The following CKAP2 variants were observed in gnomAD, a reference collection of about 807,000 sequenced individuals.
CKAP2 encodes the protein cytoskeleton associated protein 2, also known as cytoskeleton-associated protein 2.
A neutral mutation model predicts 58.4 loss-of-function variants in CKAP2; 46 were observed. The observed-to-expected ratio is 0.79, with a 90% CI of 0.62 to 1.01. The LOEUF (loss-of-function observed/expected upper bound fraction) is 1.01. CKAP2 is among the 50% of genes least tolerant of loss of function. The pLI, the probability that CKAP2 is intolerant of heterozygous loss-of-function variation, is 0.00. For synonymous variants in CKAP2, 293 were observed against 280.9 expected (o/e 1.04, Z -0.43); for missense variants, 809 against 796.4 (o/e 1.02, Z -0.19).
chr13:52,473,080 T>A (rs1157586496), intron 7 of CKAP2, among the ~76,000 whole-genome samples: 1 of 152,124 alleles, frequency 6.6e-6, no homozygotes, highest in Non-Finnish European at 1.5e-5. Flanking sequence ...CAGAAATATT[T>A]CTCAGATTGG....
In CKAP2 at chr13:52,474,931, C is replaced by T. The variant is rs764477193; in HGVS notation, c.1839C>T (p.Ser613=). 8 of 1,610,578 alleles carry T rather than the reference C, an allele frequency of 5.0e-6. No individual in the cohort carries two copies. Among genetic ancestry groups the T allele is most frequent in the East Asian group, 4.5e-5 (2 of 44,782 alleles). ...KKKVQFDGTN[S]AFKELKFLTP... is the part of the protein sequence containing the mutation. ...AGGTGCAGTTTGATGGAACAAATTC[C>T]GCATTTAAAGAGCTGAAGTTTTTAA... The change falls in exon 9 of 9, where the codon TCC becomes TCT. Residue 613 remains serine (S), a synonymous_variant. Transcript: ENST00000258607.
chr13:52,460,535 C>T (rs1001321504), intron 2 of CKAP2, among the ~76,000 whole-genome samples: 9 of 150,774 alleles, frequency 6.0e-5, no homozygotes, highest in African/African-American at 2.2e-4. Flanking sequence ...AACTCCGCCT[C>T]CCGGGTTCAT....
rs78530434 is a variant in CKAP2 at position 52,457,478 on chromosome 13, G to A, written c.155+871G>A. Among the ~76,000 whole-genome samples, 32 of 152,200 alleles carry A rather than the reference G, an allele frequency of 2.1e-4. 1 individual carries two copies. In the East Asian group the frequency reaches 6.2e-3, roughly 29 times the overall value. ...ATATCTTAGATAGTACATAGCTGTA[G>A]CAAAAACAAAAACCCATGAAAGTAG... is the stretch of plus-strand genomic sequence containing the variant. On this transcript the variant is annotated intron_variant, in intron 2 of 8. Coordinates refer to ENST00000258607, the MANE Select transcript of CKAP2 (RefSeq NM_018204.5).
chr13:52,473,882 A>G lies in CKAP2; in HGVS notation c.1600A>G (p.Ile534Val). Residue 534 changes from isoleucine (I) to valine (V), a missense_variant, in exon 8 of 9, where the codon ATT becomes GTT. This residue lies in a region of CKAP2 where 283 missense variants were observed against 287.6 expected (regional missense o/e 0.98). Transcript: ENST00000258607. ...CAAGGAAGAAGTCAAAGAAGTCAGT[A>G]TTGAAGATACAGGTGTTGATGTAGA... ...ASKEEVKEVS[I>V]EDTGVDVDPE... is the part of the protein sequence containing the mutation. 1 of 1,613,838 alleles carries G rather than the reference A, an allele frequency of 6.2e-7. No homozygotes were observed.
rs1423907268 is a variant in CKAP2 at position 52,474,003 on chromosome 13, A to G, written c.1721A>G (p.His574Arg). 6.2e-7 allele frequency: 1 copy of G among 1,614,108 alleles called. No individual in the cohort carries two copies. The highest frequency in any genetic ancestry group is 8.5e-7 in the Non-Finnish European group (1 of 1,179,964). Residue 574 changes from histidine (H) to arginine (R), a missense_variant, in exon 8 of 9, where the codon CAT (histidine) becomes CGT (arginine). His to Arg is a conservative substitution (Grantham distance 29). Coordinates refer to ENST00000258607, the MANE Select transcript of CKAP2 (RefSeq NM_018204.5). ...GACAACAAAACAAAAGATCCAACCC[A>G]TGATGTTAAAACCCCCAATACAGAA... ...EQDNKTKDPT[H>R]DVKTPNTETR...
chr13:52,474,936 T>C lies in CKAP2; in HGVS notation c.1844T>C (p.Phe615Ser). The C allele has an allele frequency of 6.2e-7, 1 of 1,612,404 alleles. No homozygotes were observed. The highest frequency in any genetic ancestry group is 2.2e-5 in the East Asian group (1 of 44,824). The change falls in exon 9 of 9, where the codon TTT becomes TCT. Residue 615 changes from phenylalanine to serine, a missense_variant. By Grantham distance (155) the Phe-to-Ser change is radical. Coordinates refer to ENST00000258607, the MANE Select transcript of CKAP2 (RefSeq NM_018204.5). ...CAGTTTGATGGAACAAATTCCGCAT[T>C]TAAAGAGCTGAAGTTTTTAACACCA... ...KVQFDGTNSAFKELKFLTPVR... is the reference protein window; with the variant it reads ...KVQFDGTNSASKELKFLTPVR...
At chr13:52,455,881 G>C (rs1223645404) in intron 1 of CKAP2, 1 of 1,010,066 alleles carries the variant, frequency 9.9e-7, no homozygotes, top group African/African-American at 1.7e-5. Context: ...AATCCGTTAG[G>C]CGAGGGGAAA....
chr13:52,457,342 C>T (rs1198628244), intron 2 of CKAP2, among the ~76,000 whole-genome samples: 1 of 152,194 alleles, frequency 6.6e-6, no homozygotes, highest in African/African-American at 2.4e-5. Flanking sequence ...GCTTTTTACT[C>T]AGTGTATGGG....
At position 52,455,850 on chromosome 13, in the gene CKAP2, G is replaced by T. The variant is rs531463458; in HGVS notation, c.70+224G>T. The T allele has an allele frequency of 9.3e-6, 8 of 856,976 alleles. No homozygotes were observed. The African/African-American group carries it at 1.5e-4, about 16-fold the overall frequency. 53.1% of individuals were successfully genotyped at this position (856,976 alleles called of 1,614,324 possible). A position where few individuals can be genotyped will look rare whatever the true frequency, so the allele number is the denominator to read the frequency against. ...GTTACTGTGCGGTCGCTGCTGGCTGGGATGGGCCCTCCTAAGAAGGAATCC... is the reference window on the plus strand; with the variant it reads ...GTTACTGTGCGGTCGCTGCTGGCTGTGATGGGCCCTCCTAAGAAGGAATCC... On this transcript the variant is annotated intron_variant, in intron 1 of 8. Transcript: ENST00000258607.
At chr13:52,456,159 T>C (rs1958476284) in intron 1 of CKAP2, 2 of 1,039,898 alleles carry the variant, frequency 1.9e-6, no homozygotes, top group Admixed American at 5.4e-5. Context: ...AAGAAAGTAA[T>C]TCTCATCTAA....
At chr13:52,465,935 A>G (rs61959702) in intron 6 of CKAP2, 13,227 of 305,508 alleles carry the variant, frequency 0.043, 349 homozygotes, top group South Asian at 0.065. Context: ...ATATACACAC[A>G]TATATATACA....
intron 2 of CKAP2, among the ~76,000 whole-genome samples, chr13:52,459,480 G>T (rs9536082): frequency 0.27 from 40,780 of 151,870 alleles, 6,811 homozygotes; most frequent in Middle Eastern, 0.38. Context: ...TTGCCACCAT[G>T]CCTGGCCAAT....
intron 2 of CKAP2, among the ~76,000 whole-genome samples, chr13:52,460,566 T>C (rs1274096515): frequency 1.3e-5 from 2 of 149,502 alleles, no homozygotes; most frequent in Non-Finnish European, 3.0e-5. Context: ...TTCCTCAGCC[T>C]CCCTAGTAGC....
intron 7 of CKAP2, among the ~76,000 whole-genome samples, chr13:52,469,685 C>T (rs1469283253): frequency 2.0e-5 from 3 of 149,128 alleles, no homozygotes; most frequent in East Asian, 2.0e-4. Context: ...CAAGCTCCGC[C>T]TCCCGGGTTC....
At chr13:52,468,219 G>A in intron 6 of CKAP2, 59 bp from the exon 7 acceptor site, 1 of 1,020,856 alleles carries the variant, frequency 9.8e-7, no homozygotes, top group Non-Finnish European at 1.5e-6. Context: ...TGGATACCTA[G>A]TTAATGTCAG....
intron 5 of CKAP2, 151 bp downstream of exon 5, chr13:52,462,718 T>C (rs1257046301): frequency 4.7e-6 from 3 of 640,408 alleles, no homozygotes; most frequent in Non-Finnish European, 7.9e-6. Context: ...TTTTAACAAT[T>C]ATTTAATTGC....
chr13:52,467,220 G>A (rs78764537), intron 6 of CKAP2, among the ~76,000 whole-genome samples: 8,513 of 151,904 alleles, frequency 0.056, 260 homozygotes, highest in South Asian at 0.085. Flanking sequence ...ATTGTGTTGG[G>A]TGGAACATAG....
Position 52,476,201 on chromosome 13 carries a change from CTG to C in CKAP2, c.*1062_*1063del, listed in dbSNP as rs1348748121. On this transcript the variant is annotated 3_prime_UTR_variant, in exon 9 of 9. Transcript: ENST00000258607. Reference sequence around the variant, plus strand: ...TAATTGTAAAAGATTAGTTGAAAAACTGTATGAATGTGAAGATCACATGCTTA... The same window carrying C: ...TAATTGTAAAAGATTAGTTGAAAAACTATGAATGTGAAGATCACATGCTTA... 1 of 152,140 alleles carries C rather than the reference CTG, an allele frequency of 6.6e-6. No homozygotes were observed. The highest frequency in any genetic ancestry group is 1.5e-5 in the Non-Finnish European group (1 of 68,018). The allele number at this position is 152,140 out of a possible 1,614,324, so 9.4% of individuals were successfully genotyped here.
chr13:52,467,929 C>T (rs1259137368), intron 6 of CKAP2, among the ~76,000 whole-genome samples: 2 of 151,910 alleles, frequency 1.3e-5, no homozygotes, highest in Non-Finnish European at 2.9e-5. Context: ...CCTGCCTCAG[C>T]CTCCCGAGTA....
Sources: gnomAD v4.1 joint callset for allele counts (sites outside exome capture counted in the v4.1 genomes callset) on GRCh38, gnomAD v4.1.1 for gene constraint, gnomAD v4.1.1 regional missense constraint, MANE v1.5 for transcripts, NCBI Gene and HGNC (gene_info 2026-07-23, HGNC 2026-07-21) for gene names.